FAM47E: variants seen among roughly 807,000 people sequenced by gnomAD.
The protein encoded by FAM47E is family with sequence similarity 47 member E.
In FAM47E, 32 loss-of-function variants were observed where a neutral mutation model predicts 41.6. That is an observed-to-expected ratio of 0.77 (90% confidence interval 0.58 to 1.03). The LOEUF (loss-of-function observed/expected upper bound fraction) is 1.03, where lower values mean the gene tolerates loss of function less well. Ranked by LOEUF, FAM47E falls within the 50% of genes least tolerant of loss-of-function variation. The probability of loss-of-function intolerance (pLI) is 0.00; values close to 1 mark genes in which losing one functional copy is unlikely to be tolerated. For missense variants in FAM47E, 424 were observed against 485.4 expected (o/e 0.87, Z 1.19); for synonymous variants, 184 against 188.7 (o/e 0.98, Z 0.20).
intron 2 of FAM47E, among the ~76,000 whole-genome samples, chr4:76,240,089 C>G (rs1430637920): frequency 1.3e-5 from 2 of 152,180 alleles, no homozygotes; most frequent in South Asian, 4.1e-4. Context: ...CAGTACCACA[C>G]TGTTTTGATC....
rs1480266374 is a variant in FAM47E at position 76,281,954 on chromosome 4, G to A, written c.1105-1427G>A. The A allele has an allele frequency of 3.7e-4, 57 of 152,250 alleles. 1 individual carries two copies. Among genetic ancestry groups the A allele is most frequent in the Non-Finnish European group, 4.4e-5 (3 of 68,028 alleles). The allele number at this position is 152,250 out of a possible 1,614,324, so 9.4% of individuals were successfully genotyped here. A position where few individuals can be genotyped will look rare whatever the true frequency, so the allele number is the denominator to read the frequency against. ...AGCATTTATTATTAAGTTTAGTGAG[G>A]GCGGGGGTAGGTTAGTGAGAGATTT... On this transcript the variant is annotated intron_variant, in intron 7 of 7. Transcript: ENST00000424749.
chr4:76,270,675 T>G (rs2110019065), intron 4 of FAM47E, among the ~76,000 whole-genome samples: 1 of 152,184 alleles, frequency 6.6e-6, no homozygotes. Context: ...AGAATAAGAG[T>G]TTAGCTTCTC....
intron 5 of FAM47E, among the ~76,000 whole-genome samples, chr4:76,273,524 C>CT (rs1220145435): frequency 6.6e-6 from 1 of 152,088 alleles, no homozygotes; most frequent in Non-Finnish European, 1.5e-5. Flanking sequence ...GGGGGATGTG[C>CT]TTTTTCCTTG....
At chr4:76,243,449 A>G (rs1045618956) in intron 2 of FAM47E, among the ~76,000 whole-genome samples, 1 of 152,164 alleles carries the variant, frequency 6.6e-6, no homozygotes, top group Non-Finnish European at 1.5e-5. Context: ...ACTGCAAACT[A>G]ACTTGGATTT....
At chr4:76,274,404 C>T (rs1735013935) in intron 5 of FAM47E, among the ~76,000 whole-genome samples, 1 of 134,080 alleles carries the variant, frequency 7.5e-6, no homozygotes, top group Non-Finnish European at 1.7e-5. Flanking sequence ...AGACCCCAGT[C>T]TCTACAAAAA....
intron 2 of FAM47E, among the ~76,000 whole-genome samples, chr4:76,228,977 T>C (rs920944346): frequency 6.6e-6 from 1 of 152,196 alleles, no homozygotes; most frequent in Non-Finnish European, 1.5e-5. Flanking sequence ...CAATTATTCT[T>C]AGGGTTGGCT....
chr4:76,222,518 G>A (rs1201208919), intron 2 of FAM47E, among the ~76,000 whole-genome samples: 4 of 152,140 alleles, frequency 2.6e-5, no homozygotes, highest in South Asian at 2.1e-4. Context: ...ATGAGCCACC[G>A]TGCCCGGCCT....
chr4:76,229,865 G>A (rs1339486049), intron 2 of FAM47E, among the ~76,000 whole-genome samples: 2 of 152,186 alleles, frequency 1.3e-5, no homozygotes, highest in Admixed American at 6.5e-5. Flanking sequence ...CATCTGGTTA[G>A]CCATGATGTT....
At chr4:76,248,976 T>C (rs1414527443), upstream of FAM47E, among the ~76,000 whole-genome samples, 4 of 152,196 alleles carry the variant, frequency 2.6e-5, no homozygotes, top group Non-Finnish European at 5.9e-5. Context: ...AATAGTATTT[T>C]CAAACACTAT....
intron 2 of FAM47E, among the ~76,000 whole-genome samples, chr4:76,257,017 C>T (rs1734222566): frequency 6.6e-6 from 1 of 152,164 alleles, no homozygotes; most frequent in South Asian, 2.1e-4. Flanking sequence ...AGCAGCAGCT[C>T]TGTGATGTCA....
At chr4:76,220,612 G>C (rs1358757796) in intron 2 of FAM47E, among the ~76,000 whole-genome samples, 2 of 152,344 alleles carry the variant, frequency 1.3e-5, no homozygotes, top group East Asian at 3.9e-4. Flanking sequence ...GACAGAGCTA[G>C]ATCCTGTCTC....
chr4:76,245,722 C>T (rs1302629447), intron 2 of FAM47E, among the ~76,000 whole-genome samples: 2 of 152,192 alleles, frequency 1.3e-5, no homozygotes, highest in Non-Finnish European at 2.9e-5. Flanking sequence ...TGTATCCCTA[C>T]ATCCCATCTA....
At chr4:76,278,426 G>C in intron 6 of FAM47E, 1 of 501,798 alleles carries the variant, frequency 2.0e-6, no homozygotes, top group Non-Finnish European at 3.2e-6. Flanking sequence ...TCCTGGCTTT[G>C]TGGTAGACAT....
chr4:76,215,601 A>G (rs1417533395), intron 1 of FAM47E, among the ~76,000 whole-genome samples: 1 of 152,238 alleles, frequency 6.6e-6, no homozygotes. Flanking sequence ...AATAGAATAC[A>G]GTGGAAATGA....
At chr4:76,236,824 TC>T (rs1439904074) in intron 2 of FAM47E, among the ~76,000 whole-genome samples, 46 of 152,058 alleles carry the variant, frequency 3.0e-4, no homozygotes, top group Non-Finnish European at 1.6e-4. Context: ...AGACTAAAGT[TC>T]TTATTTGCAG....
At chr4:76,244,241 CTT>C (rs1020396738) in intron 2 of FAM47E, among the ~76,000 whole-genome samples, 14 of 152,006 alleles carry the variant, frequency 9.2e-5, no homozygotes, top group African/African-American at 2.9e-4. Flanking sequence ...ATTTATAATC[CTT>C]TGGGTACATA....
At chr4:76,264,612 T>G (rs1734553578) in intron 3 of FAM47E, among the ~76,000 whole-genome samples, 1 of 152,164 alleles carries the variant, frequency 6.6e-6, no homozygotes, top group Admixed American at 6.5e-5. Flanking sequence ...TTGTTTGTTT[T>G]TGAGACAGAG....
chr4:76,254,282 T>C (rs2110002957), intron 1 of FAM47E, among the ~76,000 whole-genome samples: 1 of 152,292 alleles, frequency 6.6e-6, no homozygotes, highest in South Asian at 2.1e-4. Flanking sequence ...CAAAAATATT[T>C]GTTCTCAGAT....
At chr4:76,245,340 A>G (rs28459239) in intron 2 of FAM47E, among the ~76,000 whole-genome samples, 3,600 of 152,284 alleles carry the variant, frequency 0.024, 86 homozygotes, top group Admixed American at 0.071. Context: ...AGAGACTGGC[A>G]ATAATAGGAA....
Sources: gnomAD v4.1 joint callset for allele counts (sites outside exome capture counted in the v4.1 genomes callset) on GRCh38, gnomAD v4.1.1 for gene constraint, MANE v1.5 for transcripts, NCBI Gene and HGNC (gene_info 2026-07-23, HGNC 2026-07-21) for gene names.